The following UNC5D variants were observed in gnomAD, a reference collection of about 807,000 sequenced individuals.
The protein encoded by UNC5D is netrin receptor UNC5D.
In UNC5D, 39 loss-of-function variants were observed where a neutral mutation model predicts 105.4. The ratio of observed to expected loss-of-function variants is 0.37; its 90% CI spans 0.29 to 0.48. UNC5D has a LOEUF of 0.48. Ranked by LOEUF, UNC5D falls within the 20% of genes least tolerant of loss-of-function variation. The pLI is 0.98. For missense variants in UNC5D, 991 were observed against 1,202.4 expected (o/e 0.82, Z 2.60); for synonymous variants, 452 against 450.4 (o/e 1.00, Z -0.04).
At chr8:35,563,105 G>A (rs1304238136) in intron 2 of UNC5D, among the ~76,000 whole-genome samples, 4 of 151,848 alleles carry the variant, frequency 2.6e-5, no homozygotes, top group Non-Finnish European at 4.4e-5. Flanking sequence ...TTATGGGTCC[G>A]TACAAATTTT....
At chr8:35,339,279 C>A (rs1164471551) in intron 1 of UNC5D, among the ~76,000 whole-genome samples, 3 of 152,040 alleles carry the variant, frequency 2.0e-5, no homozygotes, top group African/African-American at 4.8e-5. Flanking sequence ...CCATAGCAAC[C>A]AATCCTACTT....
chr8:35,525,833 A>G, intron 1 of UNC5D: 1 of 1,381,788 alleles, frequency 7.2e-7, no homozygotes, highest in South Asian at 1.5e-5. Flanking sequence ...GCAATGTGTT[A>G]CTTCAAAGGC....
At chr8:35,573,589 T>C (rs929730765) in intron 3 of UNC5D, among the ~76,000 whole-genome samples, 23 of 152,214 alleles carry the variant, frequency 1.5e-4, no homozygotes, top group African/African-American at 5.1e-4. Context: ...TTGATCCTTT[T>C]CTGTTACGTG....
chr8:35,586,926 T>C (rs546422599), intron 3 of UNC5D, among the ~76,000 whole-genome samples: 2 of 152,312 alleles, frequency 1.3e-5, no homozygotes, highest in South Asian at 2.1e-4. Flanking sequence ...TTTCTTGTGC[T>C]ACAATGACTT....
intron 1 of UNC5D, among the ~76,000 whole-genome samples, chr8:35,373,226 T>C: frequency 6.6e-6 from 1 of 152,194 alleles, no homozygotes; most frequent in East Asian, 1.9e-4. Context: ...CATTTCAGAA[T>C]AGTTTTGCTT....
At chr8:35,586,470 G>C (rs548101655) in intron 3 of UNC5D, among the ~76,000 whole-genome samples, 5 of 152,268 alleles carry the variant, frequency 3.3e-5, no homozygotes, top group African/African-American at 9.6e-5. Flanking sequence ...TAACAACTCA[G>C]GGCTGGAGGA....
intron 1 of UNC5D, among the ~76,000 whole-genome samples, chr8:35,469,872 T>C (rs1010986830): frequency 6.6e-6 from 1 of 152,182 alleles, no homozygotes; most frequent in Non-Finnish European, 1.5e-5. Context: ...TTTAGGTATA[T>C]GTTAGAGGCC....
At chr8:35,386,061 A>C (rs1490863272) in intron 1 of UNC5D, among the ~76,000 whole-genome samples, 1 of 152,226 alleles carries the variant, frequency 6.6e-6, no homozygotes, top group African/African-American at 2.4e-5. Context: ...CTTAAAATTT[A>C]AAGGAAACCA....
intron 2 of UNC5D, among the ~76,000 whole-genome samples, chr8:35,559,598 T>C (rs1049926075): frequency 6.6e-6 from 1 of 152,182 alleles, no homozygotes. Flanking sequence ...CGGGCTGGGG[T>C]TGGCATGGTA....
chr8:35,684,338 C>A (rs1308777566), intron 5 of UNC5D, among the ~76,000 whole-genome samples: 1 of 152,176 alleles, frequency 6.6e-6, no homozygotes, highest in Non-Finnish European at 1.5e-5. Flanking sequence ...TGAGTTCTTT[C>A]TATTTCTTAT....
intron 4 of UNC5D, among the ~76,000 whole-genome samples, chr8:35,604,146 C>G (rs1352664340): frequency 6.6e-6 from 1 of 152,114 alleles, no homozygotes. Flanking sequence ...CCTTGAGGGT[C>G]TTTACAATTT....
At chr8:35,323,976 T>A (rs1372921370) in intron 1 of UNC5D, among the ~76,000 whole-genome samples, 2 of 152,014 alleles carry the variant, frequency 1.3e-5, no homozygotes, top group Admixed American at 6.6e-5. Flanking sequence ...ATTCCTGTAA[T>A]CCCAGCACTT....
At chr8:35,471,921 ATAAAT>A (rs1416477573) in intron 1 of UNC5D, among the ~76,000 whole-genome samples, 2 of 152,228 alleles carry the variant, frequency 1.3e-5, no homozygotes, top group South Asian at 2.1e-4. Context: ...CAATGACTAA[ATAAAT>A]TAAACAAAAC....
At chr8:35,495,365 C>A (rs1396182030) in intron 1 of UNC5D, among the ~76,000 whole-genome samples, 1 of 145,280 alleles carries the variant, frequency 6.9e-6, no homozygotes, top group Non-Finnish European at 1.5e-5. Context: ...GGTGTCCAAT[C>A]TTTTAGCTTC....
At chr8:35,734,037 A>C (rs766220824) in intron 11 of UNC5D, among the ~76,000 whole-genome samples, 4 of 152,090 alleles carry the variant, frequency 2.6e-5, no homozygotes, top group Non-Finnish European at 4.4e-5. Context: ...ATTGCATTCA[A>C]CAGTGTCCTT....
rs1824567295 is a variant in UNC5D at position 35,668,377 on chromosome 8, A to G, written c.571-15170A>G. Among the ~76,000 whole-genome samples the G allele has an allele frequency of 2.0e-5, 3 of 152,098 alleles. No homozygotes were observed. In the South Asian group the frequency reaches 6.2e-4, roughly 32 times the overall value. ...CAGAATATATTTAATATCATCCTTT[A>G]TGTTGGTATAACGACACTTTGTCAT... On this transcript the variant is annotated intron_variant, in intron 4 of 16. Coordinates refer to ENST00000404895, the MANE Select transcript of UNC5D (RefSeq NM_080872.4).
chr8:35,317,880 A>G (rs955455492), intron 1 of UNC5D, among the ~76,000 whole-genome samples: 23 of 152,200 alleles, frequency 1.5e-4, no homozygotes, highest in African/African-American at 5.5e-4. Flanking sequence ...CTTAGACAAG[A>G]CAACTTAGTT....
At chr8:35,452,842 A>G (rs1273706308) in intron 1 of UNC5D, among the ~76,000 whole-genome samples, 3 of 152,218 alleles carry the variant, frequency 2.0e-5, no homozygotes, top group Non-Finnish European at 4.4e-5. Context: ...ATGGAAAGAT[A>G]ACAGACTTAC....
rs752599540 is a variant in UNC5D, at chr8:35,300,446, CAAAAAAAAA to C, written c.103+64599_103+64607del. ...TGGGCAACAGAGAGAGACTCCCTCT[CAAAAAAAAA>C]AAAAAAAAAAAAAAAAAAAAAAAAA... On this transcript the variant is annotated intron_variant, in intron 1 of 16. Transcript: ENST00000404895. 1.4e-4 allele frequency among the ~76,000 whole-genome samples: 8 copies of C among 58,392 alleles called. 1 individual carries two copies. Among genetic ancestry groups the C allele is most frequent in the South Asian group, 6.8e-4 (1 of 1,472 alleles). The allele number at this position is 58,392 out of a possible 152,430, so 38.3% of individuals were successfully genotyped here. A position where few individuals can be genotyped will look rare whatever the true frequency, so the allele number is the denominator to read the frequency against.
Sources: allele counts gnomAD v4.1 joint callset (sites outside exome capture counted in the v4.1 genomes callset), GRCh38; gene constraint gnomAD v4.1.1; transcripts MANE v1.5; gene names NCBI Gene and HGNC (gene_info 2026-07-23, HGNC 2026-07-21).